The following MGMT variants were observed in gnomAD, a reference collection of about 807,000 sequenced individuals.
MGMT encodes O-6-methylguanine-DNA methyltransferase, also known as methylated-DNA--protein-cysteine methyltransferase.
MGMT carries 14 observed loss-of-function variants against 15.9 expected under a neutral mutation model. That is an observed-to-expected ratio of 0.88 (90% confidence interval 0.58 to 1.37). The LOEUF (loss-of-function observed/expected upper bound fraction) is 1.37. Ranked by LOEUF, MGMT falls within the 40% of genes most tolerant of loss-of-function variation. The probability of loss-of-function intolerance (pLI) is 0.00; values close to 1 mark genes in which losing one functional copy is unlikely to be tolerated. For synonymous variants in MGMT, 130 were observed against 118.2 expected (o/e 1.10, Z -0.65); for missense variants, 282 against 268.1 (o/e 1.05, Z -0.36).
At chr10:129,548,883 C>T (rs1023828741) in intron 2 of MGMT, among the ~76,000 whole-genome samples, 4 of 152,216 alleles carry the variant, frequency 2.6e-5, no homozygotes, top group African/African-American at 9.6e-5. Flanking sequence ...CCAGGCCCTG[C>T]AGGATCCTGG....
chr10:129,524,132 G>C (rs1845843371), intron 1 of MGMT, among the ~76,000 whole-genome samples: 1 of 152,198 alleles, frequency 6.6e-6, no homozygotes, highest in South Asian at 2.1e-4. Context: ...AACCAAAAGA[G>C]TGGCTGCCCA....
intron 2 of MGMT, among the ~76,000 whole-genome samples, chr10:129,621,027 T>C (rs1202065175): frequency 6.6e-6 from 1 of 152,230 alleles, no homozygotes; most frequent in African/African-American, 2.4e-5. Context: ...GTATCCACAC[T>C]GTCCAGTATG....
intron 2 of MGMT, among the ~76,000 whole-genome samples, chr10:129,638,250 C>T: frequency 6.6e-6 from 1 of 151,920 alleles, no homozygotes; most frequent in Non-Finnish European, 1.5e-5. Flanking sequence ...AGGTGGGCTA[C>T]TTATCTTGTA....
At chr10:129,577,837 C>G (rs908444262) in intron 2 of MGMT, among the ~76,000 whole-genome samples, 5 of 150,170 alleles carry the variant, frequency 3.3e-5, no homozygotes, top group Non-Finnish European at 5.9e-5. Context: ...AAGAAATTTA[C>G]AAGAAAAAAA....
intron 3 of MGMT, among the ~76,000 whole-genome samples, chr10:129,753,607 A>G (rs984912695): frequency 1.3e-5 from 2 of 152,158 alleles, no homozygotes; most frequent in Non-Finnish European, 2.9e-5. Flanking sequence ...CCTATGCAGT[A>G]CAGTTTTTAA....
intron 2 of MGMT, among the ~76,000 whole-genome samples, chr10:129,663,506 G>C (rs1323940230): frequency 6.6e-6 from 1 of 151,926 alleles, no homozygotes; most frequent in Admixed American, 6.6e-5. Context: ...ACGAAGTAGA[G>C]AAGGAAAAAG....
chr10:129,492,281 C>G (rs888810133), intron 1 of MGMT, among the ~76,000 whole-genome samples: 1 of 152,102 alleles, frequency 6.6e-6, no homozygotes, highest in African/African-American at 2.4e-5. Flanking sequence ...TTTGGGAGAT[C>G]CCTTGGTTCT....
intron 2 of MGMT, among the ~76,000 whole-genome samples, chr10:129,552,896 T>C (rs1846174301): frequency 6.6e-6 from 1 of 152,244 alleles, no homozygotes; most frequent in East Asian, 1.9e-4. Context: ...CATTAATGTA[T>C]GTAAAAATAT....
intron 2 of MGMT, among the ~76,000 whole-genome samples, chr10:129,568,409 A>C (rs565978099): frequency 2.0e-5 from 3 of 152,182 alleles, no homozygotes; most frequent in African/African-American, 4.8e-5. Flanking sequence ...CACGGGGGCA[A>C]ATGTCCTGGG....
chr10:129,729,872 A>G (rs1013775096), intron 3 of MGMT, among the ~76,000 whole-genome samples: 2 of 152,208 alleles, frequency 1.3e-5, no homozygotes, highest in Non-Finnish European at 2.9e-5. Flanking sequence ...TCAAGGAGCC[A>G]CCTGGGTGGA....
chr10:129,490,284 G>A (rs991112604), intron 1 of MGMT, among the ~76,000 whole-genome samples: 3 of 152,032 alleles, frequency 2.0e-5, no homozygotes, highest in Non-Finnish European at 4.4e-5. Flanking sequence ...CTATTTAACT[G>A]TTTATGTGGT....
intron 2 of MGMT, among the ~76,000 whole-genome samples, chr10:129,606,023 G>A (rs1020984042): frequency 5.3e-5 from 8 of 152,124 alleles, no homozygotes; most frequent in Non-Finnish European, 1.0e-4. Flanking sequence ...GTGCCTCTGT[G>A]CTAAGCACCC....
At chr10:129,686,012 C>T (rs935217328) in intron 2 of MGMT, among the ~76,000 whole-genome samples, 2 of 152,210 alleles carry the variant, frequency 1.3e-5, no homozygotes, top group Admixed American at 1.3e-4. Context: ...GGCAGATGTG[C>T]TTAACCGCCA....
intron 2 of MGMT, among the ~76,000 whole-genome samples, chr10:129,605,132 G>T (rs970743335): frequency 6.6e-6 from 1 of 152,154 alleles, no homozygotes; most frequent in Non-Finnish European, 1.5e-5. Flanking sequence ...AGATTCTTTT[G>T]TGGGAAAGAT....
chr10:129,670,541 A>T (rs907316340), intron 2 of MGMT, among the ~76,000 whole-genome samples: 4 of 152,186 alleles, frequency 2.6e-5, no homozygotes, highest in Non-Finnish European at 4.4e-5. Context: ...TAATGGAAAT[A>T]AAAAAAATTT....
chr10:129,661,815 T>G (rs2133106095), intron 2 of MGMT, among the ~76,000 whole-genome samples: 1 of 152,342 alleles, frequency 6.6e-6, no homozygotes, highest in East Asian at 1.9e-4. Context: ...CGGTTTTGTT[T>G]TAATATTTTT....
At chr10:129,549,498 T>C (rs565627858) in intron 2 of MGMT, among the ~76,000 whole-genome samples, 1 of 152,350 alleles carries the variant, frequency 6.6e-6, no homozygotes, top group South Asian at 2.1e-4. Flanking sequence ...AGCAATAAAA[T>C]GTTCCTAATG....
intron 3 of MGMT, among the ~76,000 whole-genome samples, chr10:129,728,690 G>A (rs1471002465): frequency 4.6e-5 from 7 of 151,952 alleles, no homozygotes; most frequent in Non-Finnish European, 7.4e-5. Context: ...CAGCACCAGC[G>A]TTGCCTCCCC....
At chr10:129,531,515 G>A (rs994660137) in intron 1 of MGMT, among the ~76,000 whole-genome samples, 9 of 152,038 alleles carry the variant, frequency 5.9e-5, no homozygotes, top group East Asian at 1.9e-4. Context: ...CTGCTCGCCC[G>A]GTGTGCACAC....
Sources: allele counts gnomAD v4.1 joint callset (sites outside exome capture counted in the v4.1 genomes callset), GRCh38; gene constraint gnomAD v4.1.1; transcripts MANE v1.5; gene names NCBI Gene and HGNC (gene_info 2026-07-23, HGNC 2026-07-21).